RGS12: variants seen among roughly 807,000 people sequenced by gnomAD.
The protein encoded by RGS12 is regulator of G-protein signaling 12.
Under a neutral mutation model 120.1 loss-of-function variants are expected in RGS12, and 66 were observed. That is an observed-to-expected ratio of 0.55 (90% CI 0.45 to 0.67). RGS12 has a LOEUF of 0.67. RGS12 is among the 30% of genes least tolerant of loss of function. The probability of loss-of-function intolerance (pLI) is 0.00; values close to 1 mark genes in which losing one functional copy is unlikely to be tolerated. For missense variants in RGS12, 1,859 were observed against 1,957.7 expected (o/e 0.95, Z 0.95); for synonymous variants, 827 against 804.7 (o/e 1.03, Z -0.47).
intron 1 of RGS12, among the ~76,000 whole-genome samples, chr4:3,294,115 A>G (rs899122023): frequency 2.2e-4 from 33 of 152,356 alleles, no homozygotes; most frequent in African/African-American, 7.7e-4. Flanking sequence ...GAGTTTCCTC[A>G]TTGGACCTGT....
chr4:3,299,710 G>A (rs1023808592), intron 1 of RGS12, among the ~76,000 whole-genome samples: 7 of 152,206 alleles, frequency 4.6e-5, no homozygotes, highest in African/African-American at 1.7e-4. Context: ...CCTGACTTCT[G>A]GATCTTAAGT....
intron 4 of RGS12, among the ~76,000 whole-genome samples, chr4:3,398,766 A>G (rs973933750): frequency 6.6e-6 from 1 of 152,212 alleles, no homozygotes; most frequent in Non-Finnish European, 1.5e-5. Context: ...ATTACAAAGT[A>G]TGTGAATGGA....
chr4:3,416,960 C>T lies in RGS12; in HGVS notation c.2475C>T (p.Ser825=), dbSNP rs1321443825. ...ATAGCTACACTCGCTTTCTGAAGTC[C>T]CCGCTGTACCAGGAATGCATCCTGG... is the stretch of plus-strand genomic sequence containing the variant. ...KFDSYTRFLK[S]PLYQECILAE... The change falls in exon 8 of 18, where the codon TCC becomes TCT. Residue 825 remains serine (S), a synonymous_variant. Transcript: ENST00000336727. The T allele has an allele frequency of 4.3e-6, 7 of 1,611,098 alleles. No individual in the cohort carries two copies. The Admixed American group carries it at 5.0e-5, about 12-fold the overall frequency.
chr4:3,425,419 A>G lies in RGS12; in HGVS notation c.3235-45A>G, dbSNP rs1335190135. 2.6e-6 allele frequency: 4 copies of G among 1,525,498 alleles called. No homozygotes were observed. The African/African-American group carries it at 4.1e-5, about 16-fold the overall frequency. 94.5% of individuals were successfully genotyped at this position (1,525,498 alleles called of 1,614,324 possible). On this transcript the variant is annotated intron_variant, in intron 13 of 17. Transcript: ENST00000336727. ...TGGGATCACACACATCTGTTCCCTG[A>G]AGTTCCAGTCTGGGTAAATTATTCA...
intron 2 of RGS12, among the ~76,000 whole-genome samples, chr4:3,319,454 G>A (rs1379452291): frequency 6.6e-6 from 1 of 151,954 alleles, no homozygotes; most frequent in South Asian, 2.1e-4. Context: ...TTGGGGACAG[G>A]GTCTGGCTCT....
At chr4:3,337,233 A>G (rs1428990007) in intron 2 of RGS12, among the ~76,000 whole-genome samples, 1 of 152,236 alleles carries the variant, frequency 6.6e-6, no homozygotes, top group Admixed American at 6.5e-5. Context: ...CGTGTTGGGC[A>G]GGATGCGGAG....
chr4:3,392,003 A>C (rs1719554404), intron 4 of RGS12, among the ~76,000 whole-genome samples: 1 of 152,260 alleles, frequency 6.6e-6, no homozygotes, highest in Non-Finnish European at 1.5e-5. Flanking sequence ...AAATGGTCTG[A>C]AAATGTTAAT....
chr4:3,390,051 G>T lies in RGS12; in HGVS notation c.2020+3614G>T, dbSNP rs553408953. 6.6e-6 allele frequency among the ~76,000 whole-genome samples: 1 copy of T among 152,036 alleles called. No homozygotes were observed. Among genetic ancestry groups the T allele is most frequent in the African/African-American group, 2.4e-5 (1 of 41,380 alleles). On this transcript the variant is annotated intron_variant, in intron 4 of 17. Transcript: ENST00000336727. The surrounding 1 kb of genome is among the most constrained non-coding windows in gnomAD (Gnocchi z 4.6). The stretch of plus-strand genomic sequence containing the variant: ...ATCCTCCCGCTCCCTTCTCCTGAAC[G>T]CTGGTGGTTGCCCCCACAGCAGCAG...
chr4:3,336,491 GTC>G (rs1176253149), intron 2 of RGS12, among the ~76,000 whole-genome samples: 1 of 152,096 alleles, frequency 6.6e-6, no homozygotes, highest in Non-Finnish European at 1.5e-5. Flanking sequence ...GGATGATCTG[GTC>G]TCTCTTTTAA....
chr4:3,377,228 C>T (rs1020619990), intron 3 of RGS12, among the ~76,000 whole-genome samples: 1 of 152,104 alleles, frequency 6.6e-6, no homozygotes, highest in Non-Finnish European at 1.5e-5. Flanking sequence ...CACACCACCA[C>T]ACCCAGCTAA....
chr4:3,346,518 A>G (rs1428579488), intron 3 of RGS12, among the ~76,000 whole-genome samples: 2 of 152,188 alleles, frequency 1.3e-5, no homozygotes, highest in Non-Finnish European at 2.9e-5. Flanking sequence ...TGGCCCACGC[A>G]TCAGGAATGG....
chr4:3,329,688 T>TAG (rs1711623503), intron 2 of RGS12, among the ~76,000 whole-genome samples: 1 of 152,240 alleles, frequency 6.6e-6, no homozygotes. Flanking sequence ...ACTGTTTACT[T>TAG]AGAAATGACT....
upstream of RGS12, among the ~76,000 whole-genome samples, chr4:3,288,280 G>A (rs1470329408): frequency 3.3e-5 from 5 of 152,106 alleles, no homozygotes; most frequent in African/African-American, 1.2e-4. The surrounding 1 kb of genome is among the most constrained non-coding windows in gnomAD (Gnocchi z 5.2). Context: ...CACAGAGCTG[G>A]GCCCTGACAG....
chr4:3,319,460 G>C (rs1158545772), intron 2 of RGS12, among the ~76,000 whole-genome samples: 1 of 151,974 alleles, frequency 6.6e-6, no homozygotes, highest in African/African-American at 2.4e-5. Flanking sequence ...ACAGGGTCTG[G>C]CTCTGTTGTC....
chr4:3,362,881 G>A (rs1425834708), intron 3 of RGS12, among the ~76,000 whole-genome samples: 21 of 151,582 alleles, frequency 1.4e-4, no homozygotes, highest in Admixed American at 7.2e-4. Context: ...GTGTGTGTGT[G>A]AGAGCATGTG....
chr4:3,434,337 G>A (rs1724609543), intron 17 of RGS12, among the ~76,000 whole-genome samples: 1 of 152,196 alleles, frequency 6.6e-6, no homozygotes, highest in African/African-American at 2.4e-5. Context: ...TTGATACCGG[G>A]GGATTATCAC....
At chr4:3,377,921 A>G (rs1049308093) in intron 3 of RGS12, among the ~76,000 whole-genome samples, 7 of 152,240 alleles carry the variant, frequency 4.6e-5, no homozygotes, top group African/African-American at 1.7e-4. Flanking sequence ...AGAAATTTTT[A>G]GAGCTGTTTA....
chr4:3,288,203 T>TG (rs1722944791), upstream of RGS12, among the ~76,000 whole-genome samples: 1 of 149,478 alleles, frequency 6.7e-6, no homozygotes, highest in South Asian at 2.2e-4. This position sits in a 1 kb window ranked among gnomAD's most constrained non-coding sequence, Gnocchi z 5.2. Context: ...GGCGGGTGTG[T>TG]GGGGTCTGGT....
chr4:3,336,067 G>C (rs1712425688), intron 2 of RGS12, among the ~76,000 whole-genome samples: 1 of 152,196 alleles, frequency 6.6e-6, no homozygotes, highest in Non-Finnish European at 1.5e-5. Context: ...ACTCCAGCCT[G>C]GGTGACAGAG....
Sources: allele counts gnomAD v4.1 joint callset (sites outside exome capture counted in the v4.1 genomes callset), GRCh38; gene constraint gnomAD v4.1.1; non-coding constraint Gnocchi (gnomAD v3.1); transcripts MANE v1.5; gene names NCBI Gene and HGNC (gene_info 2026-07-23, HGNC 2026-07-21).